Variants in ARHGAP15 observed in about 807,000 individuals in gnomAD.
The protein encoded by ARHGAP15 is rho GTPase-activating protein 15.
In ARHGAP15, 51 loss-of-function variants were observed where a neutral mutation model predicts 63.7. The observed-to-expected ratio is 0.80, with a 90% CI of 0.64 to 1.01. The LOEUF is 1.01. ARHGAP15 is among the 50% of genes least tolerant of loss of function. The probability of loss-of-function intolerance (pLI) is 0.00; values close to 1 mark genes in which losing one functional copy is unlikely to be tolerated. For synonymous variants in ARHGAP15, 191 were observed against 193.8 expected, an observed-to-expected ratio of 0.99 and a Z score of 0.12; for missense variants, 560 against 564.6, an observed-to-expected ratio of 0.99 and a Z score of 0.08.
rs34883043 is a variant in ARHGAP15 at position 143,416,134 on chromosome 2, T to TAAA, written c.475-19456_475-19454dup. ...CCCAATAACCTATGGAAATAATAAT[T>TAAA]AAAAAAAAAAAAACCTAGATGATGG... On this transcript the variant is annotated intron_variant, in intron 6 of 13. Coordinates refer to ENST00000295095, the MANE Select transcript of ARHGAP15 (RefSeq NM_018460.4). Among the ~76,000 whole-genome samples the TAAA allele has an allele frequency of 5.2e-4, 73 of 140,838 alleles. No homozygotes were observed. The East Asian group carries it at 5.3e-3, about 10-fold the overall frequency. The allele number at this position is 140,838 out of a possible 152,430, so 92.4% of individuals were successfully genotyped here. A position where few individuals can be genotyped will look rare whatever the true frequency, so the allele number is the denominator to read the frequency against.
chr2:143,364,198 A>T (rs1432291096), intron 6 of ARHGAP15, among the ~76,000 whole-genome samples: 2 of 143,296 alleles, frequency 1.4e-5, no homozygotes, highest in South Asian at 5.4e-4. Flanking sequence ...AACAAACAAC[A>T]ACAACAAAAA....
chr2:143,438,263 ATATACAT>A (rs1689702272), intron 8 of ARHGAP15, among the ~76,000 whole-genome samples: 1 of 152,176 alleles, frequency 6.6e-6, no homozygotes, highest in Non-Finnish European at 1.5e-5. Flanking sequence ...ATATATACAT[ATATACAT>A]ACACATACAC....
intron 6 of ARHGAP15, among the ~76,000 whole-genome samples, chr2:143,380,566 A>G (rs529178684): frequency 1.3e-5 from 2 of 152,272 alleles, no homozygotes; most frequent in East Asian, 3.9e-4. Flanking sequence ...GATAATTGCA[A>G]TCTAACAAGT....
chr2:143,415,042 A>G (rs1435548003), intron 6 of ARHGAP15, among the ~76,000 whole-genome samples: 1 of 152,242 alleles, frequency 6.6e-6, no homozygotes. Context: ...GCTGATCATG[A>G]TGATGGTAGG....
At chr2:143,309,122 C>T (rs921519469) in intron 6 of ARHGAP15, among the ~76,000 whole-genome samples, 3 of 151,960 alleles carry the variant, frequency 2.0e-5, no homozygotes, top group Non-Finnish European at 4.4e-5. Context: ...TAAAAGATGA[C>T]ACACTGAAGG....
intron 9 of ARHGAP15, among the ~76,000 whole-genome samples, chr2:143,488,767 C>G (rs1382780438): frequency 6.6e-6 from 1 of 152,192 alleles, no homozygotes; most frequent in African/African-American, 2.4e-5. Flanking sequence ...GAAAAATTAG[C>G]TAGCACTTTG....
Position 143,286,130 on chromosome 2 carries a change from T to C in ARHGAP15, c.474+35530T>C, listed in dbSNP as rs532607030. Among the ~76,000 whole-genome samples, 5 of 152,332 alleles carry C rather than the reference T, an allele frequency of 3.3e-5. No individual in the cohort carries two copies. In the South Asian group the frequency reaches 1.0e-3, roughly 32 times the overall value. On this transcript the variant is annotated intron_variant, in intron 6 of 13. Coordinates refer to ENST00000295095, the MANE Select transcript of ARHGAP15 (RefSeq NM_018460.4). Reference sequence around the variant, plus strand: ...TCTGTATTTGAGTTTACAAAGTGCTTTCAAATGCAATACAACATTTAACCT... The same window carrying C: ...TCTGTATTTGAGTTTACAAAGTGCTCTCAAATGCAATACAACATTTAACCT...
At chr2:143,708,836 T>C (rs1010879025) in intron 13 of ARHGAP15, among the ~76,000 whole-genome samples, 2 of 152,156 alleles carry the variant, frequency 1.3e-5, no homozygotes, top group Non-Finnish European at 2.9e-5. Flanking sequence ...CAGAATTTCC[T>C]GCCAAGACAA....
intron 9 of ARHGAP15, among the ~76,000 whole-genome samples, chr2:143,492,292 T>C (rs74339271): frequency 0.074 from 11,293 of 152,166 alleles, 650 homozygotes; most frequent in East Asian, 0.23. Flanking sequence ...ACTTAAGTTT[T>C]GTTAACCCTA....
At chr2:143,454,140 G>A (rs1690537931) in intron 8 of ARHGAP15, among the ~76,000 whole-genome samples, 1 of 151,970 alleles carries the variant, frequency 6.6e-6, no homozygotes, top group Non-Finnish European at 1.5e-5. Flanking sequence ...GTCATTGAGA[G>A]GCCCTGAGGA....
At chr2:143,423,400 C>G (rs1201301494) in intron 6 of ARHGAP15, among the ~76,000 whole-genome samples, 1 of 152,104 alleles carries the variant, frequency 6.6e-6, no homozygotes, top group Non-Finnish European at 1.5e-5. Flanking sequence ...TTAGTATTAA[C>G]CTAAGCCAAT....
chr2:143,230,229 A>G (rs1372315950), intron 5 of ARHGAP15, among the ~76,000 whole-genome samples: 1 of 152,158 alleles, frequency 6.6e-6, no homozygotes, highest in African/African-American at 2.4e-5. Flanking sequence ...TTCCATTGGG[A>G]GGAGAGTTTA....
chr2:143,514,280 T>TG (rs1009695283), intron 9 of ARHGAP15, among the ~76,000 whole-genome samples: 4 of 152,176 alleles, frequency 2.6e-5, no homozygotes, highest in Non-Finnish European at 5.9e-5. Flanking sequence ...GAGCACATGG[T>TG]AGGTGTTCAC....
chr2:143,214,541 A>G (rs369741016), intron 3 of ARHGAP15, among the ~76,000 whole-genome samples: 14 of 152,224 alleles, frequency 9.2e-5, no homozygotes, highest in East Asian at 3.8e-4. Flanking sequence ...AGATGTATCC[A>G]AATACAAAAC....
chr2:143,260,586 C>G (rs1283433036), intron 6 of ARHGAP15, among the ~76,000 whole-genome samples: 1 of 152,044 alleles, frequency 6.6e-6, no homozygotes, highest in African/African-American at 2.4e-5. Context: ...AACAAAGAAC[C>G]ATTACACTAA....
At chr2:143,661,021 A>G (rs1681741387) in intron 12 of ARHGAP15, among the ~76,000 whole-genome samples, 1 of 152,140 alleles carries the variant, frequency 6.6e-6, no homozygotes, top group African/African-American at 2.4e-5. Flanking sequence ...TGCCTTTTCC[A>G]GTTTCTAGAG....
At chr2:143,419,663 C>CAT (rs34907343) in intron 6 of ARHGAP15, among the ~76,000 whole-genome samples, 37,471 of 150,984 alleles carry the variant, frequency 0.25, 5,595 homozygotes, top group African/African-American at 0.39. Context: ...TATACAAACA[C>CAT]ATATATATGT....
chr2:143,538,829 G>T (rs1012439535), intron 10 of ARHGAP15, among the ~76,000 whole-genome samples: 1 of 152,268 alleles, frequency 6.6e-6, no homozygotes, highest in African/African-American at 2.4e-5. Context: ...AAGGATATTG[G>T]TCTAAAATTC....
intron 12 of ARHGAP15, among the ~76,000 whole-genome samples, chr2:143,648,550 C>T (rs1681006262): frequency 6.6e-6 from 1 of 152,004 alleles, no homozygotes; most frequent in Non-Finnish European, 1.5e-5. Context: ...TTCATGTCTA[C>T]TAAATCCTTG....
Sources: gnomAD v4.1 joint callset for allele counts (sites outside exome capture counted in the v4.1 genomes callset) on GRCh38, gnomAD v4.1.1 for gene constraint, MANE v1.5 for transcripts, NCBI Gene and HGNC (gene_info 2026-07-23, HGNC 2026-07-21) for gene names.